RIBC2: variants seen among roughly 807,000 people sequenced by gnomAD.
RIBC2 encodes RIB43A-like with coiled-coils protein 2.
Under a neutral mutation model 44.3 loss-of-function variants are expected in RIBC2, and 40 were observed. The observed-to-expected ratio is 0.90, with a 90% CI of 0.70 to 1.18. The LOEUF (loss-of-function observed/expected upper bound fraction) is 1.18, where lower values mean the gene tolerates loss of function less well. RIBC2 is among the 50% of genes most tolerant of loss of function. The probability of loss-of-function intolerance (pLI) is 0.00; values close to 1 mark genes in which losing one functional copy is unlikely to be tolerated. For missense variants in RIBC2, 459 were observed against 485.5 expected (o/e 0.95, Z 0.51); for synonymous variants, 171 against 175.0 (o/e 0.98, Z 0.18).
At chr22:45,417,491 C>CGA in intron 2 of RIBC2, 111 bp from the exon 3 acceptor site, 1 of 815,070 alleles carries the variant, frequency 1.2e-6, no homozygotes, top group Non-Finnish European at 1.9e-6. Context: ...CCAGCCCAGG[C>CGA]AACATAATGA....
chr22:45,429,551 G>GACGAGCA (rs2087561247), intron 5 of RIBC2, among the ~76,000 whole-genome samples: 13 of 152,218 alleles, frequency 8.5e-5, no homozygotes, highest in Middle Eastern at 3.4e-3. Flanking sequence ...AGGAGTGGGT[G>GACGAGCA]GGGCAGCTCG....
intron 3 of RIBC2, among the ~76,000 whole-genome samples, chr22:45,421,518 TAATAATAA>T (rs2087479825): frequency 2.2e-5 from 1 of 45,332 alleles, no homozygotes; most frequent in South Asian, 1.1e-3. Context: ...GTATTATTAA[TAATAATAA>T]TAGTATTATT....
chr22:45,431,138 A>G lies in RIBC2; in HGVS notation c.1070+72A>G. The G allele has an allele frequency of 2.0e-6, 3 of 1,513,182 alleles. No homozygotes were observed. In the South Asian group the frequency reaches 3.7e-5, roughly 19 times the overall value. The allele number at this position is 1,513,182 out of a possible 1,614,324, so 93.7% of individuals were successfully genotyped here. On this transcript the variant is annotated intron_variant, in intron 6 of 6. Transcript: ENST00000614167. ...GACCGCGGGGCTGTGGAGGTCAAGG[A>G]CGAGGAGGGGGCAGGAGGGGAAACA...
Position 45,414,314 on chromosome 22 carries a change from A to G in RIBC2, c.130-8A>G, listed in dbSNP as rs1569205844. 7 of 1,545,642 alleles carry G rather than the reference A, an allele frequency of 4.5e-6. No individual in the cohort carries two copies. Among genetic ancestry groups the G allele is most frequent in the Non-Finnish European group, 8.7e-7 (1 of 1,145,260 alleles). On this transcript the variant is annotated splice_region_variant and splice_polypyrimidine_tract_variant and intron_variant, in intron 1 of 6. Coordinates refer to ENST00000614167, the MANE Select transcript of RIBC2 (RefSeq NM_015653.5). Reference sequence around the variant, plus strand: ...TCTAACCCTTCTCCTCTGTTTTTCCATTTATAGGGAGACACTGAAGCCTGG... The same window carrying G: ...TCTAACCCTTCTCCTCTGTTTTTCCGTTTATAGGGAGACACTGAAGCCTGG...
At chr22:45,424,470 G>A (rs1211408163) in intron 4 of RIBC2, among the ~76,000 whole-genome samples, 5 of 152,336 alleles carry the variant, frequency 3.3e-5, no homozygotes, top group East Asian at 1.9e-4. Context: ...ATGAGGAAGC[G>A]ACAACACCCT....
At chr22:45,417,241 T>G (rs2087434022) in intron 2 of RIBC2, among the ~76,000 whole-genome samples, 2 of 152,278 alleles carry the variant, frequency 1.3e-5, no homozygotes, top group African/African-American at 4.8e-5. Flanking sequence ...GTTCCTACAC[T>G]TTGCCCATTT....
At chr22:45,427,794 C>T (rs2087547018) in intron 5 of RIBC2, among the ~76,000 whole-genome samples, 1 of 152,230 alleles carries the variant, frequency 6.6e-6, no homozygotes, top group African/African-American at 2.4e-5. Context: ...ACCACCACAC[C>T]CAGCTGCTTT....
At chr22:45,428,270 C>T (rs1246073091) in intron 5 of RIBC2, among the ~76,000 whole-genome samples, 1 of 152,136 alleles carries the variant, frequency 6.6e-6, no homozygotes, top group Admixed American at 6.5e-5. Context: ...AGGCAGGAAA[C>T]GAATGGAGAT....
At chr22:45,422,604 A>C (rs1024456705) in intron 4 of RIBC2, 196 bp downstream of exon 4, 2 of 583,140 alleles carry the variant, frequency 3.4e-6, no homozygotes, top group African/African-American at 3.7e-5. Context: ...CTTAGCTCTG[A>C]ATCTTGGAGG....
intron 1 of RIBC2, 84 bp downstream of exon 1, chr22:45,414,099 G>T (rs2087391981): frequency 1.3e-6 from 2 of 1,516,828 alleles, no homozygotes; most frequent in Non-Finnish European, 1.8e-6. Flanking sequence ...ATGAGTTCTA[G>T]GATGAAACAT....
chr22:45,430,860 C>T, intron 5 of RIBC2, 40 bp from the exon 6 acceptor site: 1 of 1,506,280 alleles, frequency 6.6e-7, no homozygotes, highest in Non-Finnish European at 8.9e-7. Context: ...TTCTTTGGCT[C>T]TGGGGAAAGG....
At chr22:45,428,905 G>C (rs752917368) in intron 5 of RIBC2, among the ~76,000 whole-genome samples, 3 of 152,200 alleles carry the variant, frequency 2.0e-5, no homozygotes, top group Non-Finnish European at 2.9e-5. Context: ...TGCTTAGCCA[G>C]ATTCATTGTG....
Position 45,413,909 on chromosome 22 carries a change from T to C in RIBC2, c.23T>C (p.Val8Ala), listed in dbSNP as rs1602108261. Residue 8 changes from valine (V) to alanine (A), a missense_variant, in exon 1 of 7, where the codon GTG becomes GCG. Coordinates refer to ENST00000614167, the MANE Select transcript of RIBC2 (RefSeq NM_015653.5). Reference sequence around the variant, plus strand: ...TCCATGGGTTCCCAGACCATGGCGGTGGCGCTGCCCAGGGACTTGCGGCAG... The same window carrying C: ...TCCATGGGTTCCCAGACCATGGCGGCGGCGCTGCCCAGGGACTTGCGGCAG... MGSQTMA[V>A]ALPRDLRQDA... The C allele has an allele frequency of 6.4e-7, 1 of 1,551,486 alleles. No individual in the cohort carries two copies. Among genetic ancestry groups the C allele is most frequent in the Admixed American group, 2.0e-5 (1 of 50,994 alleles).
At chr22:45,429,271 G>A (rs1002857003) in intron 5 of RIBC2, among the ~76,000 whole-genome samples, 1 of 152,184 alleles carries the variant, frequency 6.6e-6, no homozygotes, top group Non-Finnish European at 1.5e-5. Context: ...CTGGTAGGGT[G>A]TGCCCAGTGG....
chr22:45,430,187 C>T (rs747859487), intron 5 of RIBC2, among the ~76,000 whole-genome samples: 10 of 152,194 alleles, frequency 6.6e-5, no homozygotes, highest in Non-Finnish European at 1.2e-4. Context: ...TGCCACTCAC[C>T]GGACACATCC....
chr22:45,414,220 G>A (rs1345295206), intron 1 of RIBC2, 102 bp from the exon 2 acceptor site: 3 of 1,491,956 alleles, frequency 2.0e-6, no homozygotes, highest in Non-Finnish European at 2.7e-6. Flanking sequence ...TCTACAACTC[G>A]TTTACAGTGG....
chr22:45,416,488 AGTCTTGCTCT>A (rs2087426066), intron 2 of RIBC2, among the ~76,000 whole-genome samples: 4 of 152,102 alleles, frequency 2.6e-5, no homozygotes, highest in African/African-American at 9.7e-5. Flanking sequence ...TTTGAGATGG[AGTCTTGCTCT>A]GTCACCAGGC....
chr22:45,428,501 G>A (rs907990776), intron 5 of RIBC2, among the ~76,000 whole-genome samples: 3 of 152,162 alleles, frequency 2.0e-5, no homozygotes, highest in African/African-American at 7.2e-5. Flanking sequence ...AGGAGAGCGA[G>A]GGACATGGAG....
Position 45,432,378 on chromosome 22 carries a change from T to C in RIBC2, c.*16T>C. ...AAGTCGATAATGAGGAACACACCCTTGTTCCCGTCATTCACGTATAAAGAG... is the reference window on the plus strand; with the variant it reads ...AAGTCGATAATGAGGAACACACCCTCGTTCCCGTCATTCACGTATAAAGAG... On this transcript the variant is annotated 3_prime_UTR_variant, in exon 7 of 7. Transcript: ENST00000614167. The C allele has an allele frequency of 2.6e-6, 4 of 1,534,214 alleles. No individual in the cohort carries two copies. The highest frequency in any genetic ancestry group is 3.6e-6 in the Non-Finnish European group (4 of 1,114,634).
Sources: allele counts gnomAD v4.1 joint callset (sites outside exome capture counted in the v4.1 genomes callset), GRCh38; gene constraint gnomAD v4.1.1; transcripts MANE v1.5; gene names NCBI Gene and HGNC (gene_info 2026-07-23, HGNC 2026-07-21).